The following LYPD6 variants were observed in gnomAD, a reference collection of about 807,000 sequenced individuals.
LYPD6 encodes the protein ly6/PLAUR domain-containing protein 6.
LYPD6 carries 15 observed loss-of-function variants against 22.7 expected under a neutral mutation model. The ratio of observed to expected loss-of-function variants is 0.66; its 90% confidence interval spans 0.44 to 1.02. LYPD6 has a LOEUF of 1.02. Ranked by LOEUF, LYPD6 falls within the 50% of genes least tolerant of loss-of-function variation. The pLI is 0.00. For synonymous variants in LYPD6, 72 were observed against 77.5 expected (o/e 0.93, Z 0.37); for missense variants, 189 against 208.4 (o/e 0.91, Z 0.57).
At chr2:149,380,840 G>GGGTAC (rs1482637549) in intron 1 of LYPD6, among the ~76,000 whole-genome samples, 3 of 152,088 alleles carry the variant, frequency 2.0e-5, no homozygotes, top group African/African-American at 7.2e-5. Flanking sequence ...CTGACCTTTG[G>GGGTAC]GGTACTCAAT....
chr2:149,410,523 G>T (rs1294887886), intron 1 of LYPD6, among the ~76,000 whole-genome samples: 1 of 151,376 alleles, frequency 6.6e-6, no homozygotes, highest in Admixed American at 6.6e-5. Flanking sequence ...AACAAATGAG[G>T]TTGTTTACCT....
chr2:149,355,860 T>C (rs1681439079), intron 1 of LYPD6, among the ~76,000 whole-genome samples: 1 of 152,194 alleles, frequency 6.6e-6, no homozygotes, highest in African/African-American at 2.4e-5. Context: ...CCAGAATGTG[T>C]CTTTCTCTTT....
At chr2:149,413,974 G>T (rs1337931546) in intron 1 of LYPD6, among the ~76,000 whole-genome samples, 1 of 152,046 alleles carries the variant, frequency 6.6e-6, no homozygotes, top group Non-Finnish European at 1.5e-5. Flanking sequence ...ACTGGCCAAA[G>T]GGTGGCCACT....
chr2:149,476,993 G>A (rs557428088), downstream of LYPD6, among the ~76,000 whole-genome samples: 2 of 152,176 alleles, frequency 1.3e-5, no homozygotes, highest in Non-Finnish European at 2.9e-5. Flanking sequence ...TTGGCACTGA[G>A]GTGCGTTGGG....
chr2:149,456,842 T>A (rs1680968731), intron 3 of LYPD6, among the ~76,000 whole-genome samples: 1 of 152,194 alleles, frequency 6.6e-6, no homozygotes, highest in African/African-American at 2.4e-5. Flanking sequence ...TTTCCAGTAG[T>A]GTAGGTTAAT....
chr2:149,480,055 T>C, the LYPD6 span, among the ~76,000 whole-genome samples: 1 of 151,622 alleles, frequency 6.6e-6, no homozygotes, highest in African/African-American at 2.4e-5. Context: ...AGTTTCGCTC[T>C]TGTCACCCAG....
rs1681363580 is a variant in LYPD6 at position 149,472,437 on chromosome 2, G to C, written c.*1587G>C. The C allele has an allele frequency of 6.6e-6, 1 of 152,630 alleles. No individual in the cohort carries two copies. Among genetic ancestry groups the C allele is most frequent in the African/African-American group, 2.4e-5 (1 of 41,454 alleles). 9.5% of individuals were successfully genotyped at this position (152,630 alleles called of 1,614,324 possible). On this transcript the variant is annotated 3_prime_UTR_variant, in exon 5 of 5. Transcript: ENST00000334166. Reference sequence around the variant, plus strand: ...ACTTGGTAGAACCATGGCTAATAAAGAGGACAGTGTTGTCAGGGTCCATCT... The same window carrying C: ...ACTTGGTAGAACCATGGCTAATAAACAGGACAGTGTTGTCAGGGTCCATCT...
chr2:149,352,175 T>A lies in LYPD6; in HGVS notation c.-72+21453T>A, dbSNP rs542060998. On this transcript the variant is annotated intron_variant, in intron 1 of 4. Transcript: ENST00000334166. Reference sequence around the variant, plus strand: ...GAAGAAGAAAACTAACGATAAAAAATGCTATAAGGTAGATCCCCAATGAGT... The same window carrying A: ...GAAGAAGAAAACTAACGATAAAAAAAGCTATAAGGTAGATCCCCAATGAGT... Among the ~76,000 whole-genome samples, 15 of 152,016 alleles carry A rather than the reference T, an allele frequency of 9.9e-5. No homozygotes were observed. The East Asian group carries it at 2.9e-3, about 29-fold the overall frequency.
At chr2:149,370,605 A>T (rs1217957373) in intron 1 of LYPD6, 1 of 152,124 alleles carries the variant, frequency 6.6e-6, no homozygotes, top group Non-Finnish European at 1.5e-5. Context: ...TGGAATTCCC[A>T]CCGTCTAGAA....
intron 1 of LYPD6, among the ~76,000 whole-genome samples, chr2:149,393,748 C>T (rs1246905433): frequency 1.3e-5 from 2 of 152,148 alleles, no homozygotes; most frequent in African/African-American, 4.8e-5. Context: ...TTGCTCTGTA[C>T]CGTGAGAGAT....
intron 1 of LYPD6, among the ~76,000 whole-genome samples, chr2:149,434,268 G>A (rs1269886752): frequency 6.6e-6 from 1 of 152,168 alleles, no homozygotes; most frequent in East Asian, 1.9e-4. Context: ...GGAAGAGTAA[G>A]TTAAAAATTG....
At chr2:149,456,708 C>T (rs1289428243) in intron 3 of LYPD6, among the ~76,000 whole-genome samples, 3 of 152,182 alleles carry the variant, frequency 2.0e-5, no homozygotes, top group Non-Finnish European at 4.4e-5. Flanking sequence ...CAGAAGAAAC[C>T]AGCCTTGGCC....
intron 1 of LYPD6, among the ~76,000 whole-genome samples, chr2:149,370,067 T>G (rs1016072858): frequency 3.9e-5 from 6 of 151,904 alleles, no homozygotes; most frequent in African/African-American, 1.2e-4. Context: ...ATTTGGAGGG[T>G]GAGCTGCTAA....
chr2:149,406,963 A>T (rs1441316593), intron 1 of LYPD6, among the ~76,000 whole-genome samples: 1 of 151,838 alleles, frequency 6.6e-6, no homozygotes, highest in Middle Eastern at 3.2e-3. Context: ...GCTTGTCTGT[A>T]AAGTATTTTA....
At chr2:149,355,192 G>A (rs570330895) in intron 1 of LYPD6, among the ~76,000 whole-genome samples, 9 of 152,258 alleles carry the variant, frequency 5.9e-5, no homozygotes, top group African/African-American at 2.2e-4. Context: ...GTGCCCAAGA[G>A]AACTACCATC....
chr2:149,354,526 C>T (rs911542176), intron 1 of LYPD6, among the ~76,000 whole-genome samples: 3 of 152,006 alleles, frequency 2.0e-5, no homozygotes, highest in Non-Finnish European at 4.4e-5. Flanking sequence ...TTTTAAAAGG[C>T]AAACCATTCA....
Position 149,330,622 on chromosome 2 carries a change from G to C in LYPD6, c.-172G>C, listed in dbSNP as rs1201427611. 2 of 151,408 alleles carry C rather than the reference G, an allele frequency of 1.3e-5. No individual in the cohort carries two copies. The highest frequency in any genetic ancestry group is 1.3e-4 in the Admixed American group (2 of 15,208). The allele number at this position is 151,408 out of a possible 1,614,324, so 9.4% of individuals were successfully genotyped here. On this transcript the variant is annotated 5_prime_UTR_variant, in exon 1 of 5. Coordinates refer to ENST00000334166, the MANE Select transcript of LYPD6 (RefSeq NM_194317.5). Reference sequence around the variant, plus strand: ...CCCTGAGCTCCCGGGCTCCGGCAGCGGGCTGGCGGGGCGCCGCATTGCACA... The same window carrying C: ...CCCTGAGCTCCCGGGCTCCGGCAGCCGGCTGGCGGGGCGCCGCATTGCACA...
intron 3 of LYPD6, among the ~76,000 whole-genome samples, chr2:149,453,662 G>T (rs558251642): frequency 6.0e-4 from 91 of 152,224 alleles, no homozygotes; most frequent in Non-Finnish European, 1.1e-3. Flanking sequence ...CTACAAGCAG[G>T]AAATGTAAAT....
Position 149,384,975 on chromosome 2 carries a change from T to C in LYPD6, c.-71-52663T>C, listed in dbSNP as rs1310137331. Among the ~76,000 whole-genome samples the C allele has an allele frequency of 4.0e-5, 6 of 149,992 alleles. 1 individual carries two copies. The highest frequency in any genetic ancestry group is 7.4e-5 in the Non-Finnish European group (5 of 67,566). On this transcript the variant is annotated intron_variant, in intron 1 of 4. Coordinates refer to ENST00000334166, the MANE Select transcript of LYPD6 (RefSeq NM_194317.5). ...ATTCCCACCTGTGAGTGAGAACATG[T>C]GGTGTCTGGTTTTTTGTCCTTGCGA...
Sources: gnomAD v4.1 joint callset for allele counts (sites outside exome capture counted in the v4.1 genomes callset) on GRCh38, gnomAD v4.1.1 for gene constraint, MANE v1.5 for transcripts, NCBI Gene and HGNC (gene_info 2026-07-23, HGNC 2026-07-21) for gene names.